The following TRAPPC10 variants were observed in gnomAD, a reference collection of about 807,000 sequenced individuals.
The protein encoded by TRAPPC10 is TRAPP 130 kDa subunit.
Under a neutral mutation model 125.5 loss-of-function variants are expected in TRAPPC10, and 23 were observed. That is an observed-to-expected ratio of 0.18 (90% CI 0.13 to 0.26). The LOEUF (loss-of-function observed/expected upper bound fraction) is 0.26, where lower values mean the gene tolerates loss of function less well. Among genes scored for constraint, TRAPPC10 ranks in the 10% least tolerant of loss-of-function variants. The pLI is 1.00. For synonymous variants in TRAPPC10, 509 were observed against 518.0 expected, an observed-to-expected ratio of 0.98 and a Z score of 0.24; for missense variants, 1,123 against 1,308.4, an observed-to-expected ratio of 0.86 and a Z score of 2.19.
At chr21:44,045,445 A>C (rs1018814974) in intron 3 of TRAPPC10, among the ~76,000 whole-genome samples, 8 of 152,076 alleles carry the variant, frequency 5.3e-5, no homozygotes, top group African/African-American at 1.9e-4. Context: ...TTTTTTAAAG[A>C]TGTTTCACCT....
At chr21:44,042,101 C>T (rs2034467652) in intron 3 of TRAPPC10, among the ~76,000 whole-genome samples, 1 of 152,156 alleles carries the variant, frequency 6.6e-6, no homozygotes, top group Admixed American at 6.5e-5. Context: ...CTCCAGAGAA[C>T]CAGGATTTTA....
At chr21:44,021,052 G>A (rs2032451993) in intron 1 of TRAPPC10, among the ~76,000 whole-genome samples, 2 of 152,170 alleles carry the variant, frequency 1.3e-5, no homozygotes, top group South Asian at 4.1e-4. Flanking sequence ...TGTCACTTTA[G>A]CATTCTAAGA....
intron 3 of TRAPPC10, among the ~76,000 whole-genome samples, chr21:44,047,569 C>T (rs184385171): frequency 3.3e-4 from 35 of 106,098 alleles, no homozygotes; most frequent in East Asian, 1.2e-3. Flanking sequence ...TGTGTGTGCG[C>T]GCACACGCTA....
intron 2 of TRAPPC10, among the ~76,000 whole-genome samples, chr21:44,033,464 A>G (rs761586434): frequency 1.3e-5 from 2 of 152,208 alleles, no homozygotes; most frequent in Non-Finnish European, 1.5e-5. Context: ...AAGAGAGAAA[A>G]GAGTTTAGCA....
intron 9 of TRAPPC10, among the ~76,000 whole-genome samples, chr21:44,075,921 T>A (rs533295497): frequency 6.6e-6 from 1 of 152,184 alleles, no homozygotes; most frequent in African/African-American, 2.4e-5. Flanking sequence ...TGGTGGTGCA[T>A]GCCTGTAATC....
chr21:44,043,399 A>G (rs2034553594), intron 3 of TRAPPC10, among the ~76,000 whole-genome samples: 2 of 151,684 alleles, frequency 1.3e-5, no homozygotes, highest in Admixed American at 6.6e-5. Flanking sequence ...TTATTAGTGG[A>G]GACGGGGTTT....
Position 44,014,383 on chromosome 21 carries a change from A to ATT in TRAPPC10, c.67+1833_67+1834dup, listed in dbSNP as rs11413186. On this transcript the variant is annotated intron_variant, in intron 1 of 22. Coordinates refer to ENST00000291574, the MANE Select transcript of TRAPPC10 (RefSeq NM_003274.5). Reference sequence around the variant, plus strand: ...TCCTGTGTTTTGAGCAGCAGAGTGAATTTTTTTTTTTCCTTCTTCTTCTTT... The same window carrying ATT: ...TCCTGTGTTTTGAGCAGCAGAGTGAATTTTTTTTTTTTTCCTTCTTCTTCTTT... Among the ~76,000 whole-genome samples the ATT allele has an allele frequency of 2.0e-4, 30 of 146,422 alleles. 1 individual carries two copies. The highest frequency in any genetic ancestry group is 6.2e-4 in the African/African-American group (25 of 40,062).
chr21:44,030,755 A>C (rs2033509489), intron 1 of TRAPPC10, among the ~76,000 whole-genome samples: 1 of 152,236 alleles, frequency 6.6e-6, no homozygotes, highest in African/African-American at 2.4e-5. Context: ...GGTGTGAGCC[A>C]TCACGCCTGG....
In TRAPPC10 at chr21:44,045,644, C is replaced by T. The variant is rs1029338525; in HGVS notation, c.286-6636C>T. Among the ~76,000 whole-genome samples the T allele has an allele frequency of 4.1e-4, 63 of 151,914 alleles. 2 individuals carry two copies. The highest frequency in any genetic ancestry group is 1.4e-3 in the African/African-American group (57 of 41,332). ...TCGGCTCACTGCAACCTCCGCCTCC[C>T]GGGTTCAAGCGATTCTCCTGCCTCA... On this transcript the variant is annotated intron_variant, in intron 3 of 22. Coordinates refer to ENST00000291574, the MANE Select transcript of TRAPPC10 (RefSeq NM_003274.5).
chr21:44,092,109 T>C, intron 19 of TRAPPC10, 60 bp downstream of exon 19: 1 of 1,596,262 alleles, frequency 6.3e-7, no homozygotes, highest in Non-Finnish European at 8.6e-7. Flanking sequence ...TGTACGGAAA[T>C]GATGTAGTAT....
At chr21:44,039,494 C>T (rs923898644) in intron 3 of TRAPPC10, among the ~76,000 whole-genome samples, 2 of 152,230 alleles carry the variant, frequency 1.3e-5, no homozygotes, top group African/African-American at 4.8e-5. Context: ...CCTCTGGCAG[C>T]AGGCGTGCTT....
chr21:44,027,823 A>T lies in TRAPPC10; in HGVS notation c.68-4268A>T, dbSNP rs189388501. Reference sequence around the variant, plus strand: ...GGTCATGTGGCTGGAGTCCCCACAAAAGGGATTAGTGCCCTTATAAAAAAG... The same window carrying T: ...GGTCATGTGGCTGGAGTCCCCACAATAGGGATTAGTGCCCTTATAAAAAAG... On this transcript the variant is annotated intron_variant, in intron 1 of 22. Transcript: ENST00000291574. Among the ~76,000 whole-genome samples, 6 of 152,192 alleles carry T rather than the reference A, an allele frequency of 3.9e-5. No homozygotes were observed. The East Asian group carries it at 1.2e-3, about 29-fold the overall frequency.
intron 7 of TRAPPC10, among the ~76,000 whole-genome samples, chr21:44,071,581 GACAC>G (rs764328501): frequency 6.6e-6 from 1 of 152,206 alleles, no homozygotes; most frequent in Non-Finnish European, 1.5e-5. Context: ...GGAGCTAAGA[GACAC>G]ACACAGTAAG....
intron 7 of TRAPPC10, among the ~76,000 whole-genome samples, chr21:44,071,491 C>T (rs571018761): frequency 6.6e-6 from 1 of 152,280 alleles, no homozygotes; most frequent in Non-Finnish European, 1.5e-5. Context: ...CTGTGGAGCC[C>T]ACCTCTTTCA....
chr21:44,091,876 T>A (rs767897751), intron 18 of TRAPPC10, 47 bp from the exon 19 acceptor site: 12 of 1,583,856 alleles, frequency 7.6e-6, no homozygotes, highest in Non-Finnish European at 8.6e-7. Context: ...ATATATTTAA[T>A]AAAGTTCTTA....
At chr21:44,016,364 C>T (rs2147115399) in intron 1 of TRAPPC10, among the ~76,000 whole-genome samples, 1 of 152,262 alleles carries the variant, frequency 6.6e-6, no homozygotes, top group African/African-American at 2.4e-5. Context: ...AATGTAATTC[C>T]AGTGATTTGT....
chr21:44,024,363 G>C (rs1448102548), intron 1 of TRAPPC10, among the ~76,000 whole-genome samples: 1 of 152,214 alleles, frequency 6.6e-6, no homozygotes, highest in Non-Finnish European at 1.5e-5. Flanking sequence ...TGGGGCCTGA[G>C]AATGAGCATT....
chr21:44,085,977 C>T (rs1194451323), intron 15 of TRAPPC10, among the ~76,000 whole-genome samples: 1 of 152,252 alleles, frequency 6.6e-6, no homozygotes, highest in Non-Finnish European at 1.5e-5. Context: ...CCCATTCCCC[C>T]TATTTTTCTG....
chr21:44,094,292 T>A (rs1468535257), intron 20 of TRAPPC10, 59 bp downstream of exon 20: 2 of 1,470,562 alleles, frequency 1.4e-6, no homozygotes, highest in Non-Finnish European at 1.9e-6. Context: ...GGCATTATGT[T>A]CTTTATAATC....
Sources: gnomAD v4.1 joint callset for allele counts (sites outside exome capture counted in the v4.1 genomes callset) on GRCh38, gnomAD v4.1.1 for gene constraint, MANE v1.5 for transcripts, NCBI Gene and HGNC (gene_info 2026-07-23, HGNC 2026-07-21) for gene names.